The following SMG1 variants were observed in gnomAD, a reference collection of about 807,000 sequenced individuals.
SMG1 encodes SMG1 nonsense mediated mRNA decay associated PI3K related kinase, also known as serine/threonine-protein kinase SMG1.
A neutral mutation model predicts 419.9 loss-of-function variants in SMG1; 22 were observed. The ratio of observed to expected loss-of-function variants is 0.05; its 90% confidence interval spans 0.04 to 0.07. The LOEUF (loss-of-function observed/expected upper bound fraction) is 0.07. Ranked by LOEUF, SMG1 falls within the 10% of genes least tolerant of loss-of-function variation. The pLI is 1.00. For synonymous variants in SMG1, 1,538 were observed against 1,553.5 expected (o/e 0.99, Z 0.23); for missense variants, 3,185 against 4,342.0 (o/e 0.73, Z 7.49).
chr16:18,828,629 A>T (rs1006143783), intron 54 of SMG1, among the ~76,000 whole-genome samples: 1 of 152,258 alleles, frequency 6.6e-6, no homozygotes, highest in Non-Finnish European at 1.5e-5. Flanking sequence ...CACATCAATA[A>T]GGCATCAAGG....
chr16:18,896,637 A>G (rs1238561343), intron 2 of SMG1, among the ~76,000 whole-genome samples, 156 bp downstream of exon 2: 1 of 152,232 alleles, frequency 6.6e-6, no homozygotes, highest in Non-Finnish European at 1.5e-5. Context: ...TAAAGTGGAT[A>G]AATGTCCTAT....
intron 23 of SMG1, among the ~76,000 whole-genome samples, chr16:18,864,532 G>A (rs536719737): frequency 4.0e-5 from 6 of 151,004 alleles, no homozygotes; most frequent in African/African-American, 1.5e-4. Flanking sequence ...GAGTCTTACT[G>A]TCACCCAGGC....
chr16:18,877,525 A>G (rs555140599), intron 11 of SMG1: 179 of 248,716 alleles, frequency 7.2e-4, no homozygotes, highest in African/African-American at 3.8e-3. Context: ...TACTGGTAAT[A>G]GGGGATACAT....
At chr16:18,812,409 G>A (rs2031500380) in intron 60 of SMG1, among the ~76,000 whole-genome samples, 1 of 152,026 alleles carries the variant, frequency 6.6e-6, no homozygotes, top group South Asian at 2.1e-4. Flanking sequence ...CCAGCACTTT[G>A]GGGAGGCTGA....
At chr16:18,883,574 T>C (rs1404935731) in intron 9 of SMG1, among the ~76,000 whole-genome samples, 3 of 152,234 alleles carry the variant, frequency 2.0e-5, no homozygotes, top group Non-Finnish European at 4.4e-5. Context: ...CAACGTTTCT[T>C]TTAGTCTCTC....
In SMG1 at chr16:18,850,219, G is replaced by C. The variant is rs764055763; in HGVS notation, c.5283+18C>G. 112 of 1,589,450 alleles carry C rather than the reference G, an allele frequency of 7.0e-5. No homozygotes were observed. The highest frequency in any genetic ancestry group is 5.1e-5 in the Non-Finnish European group (60 of 1,166,162). On this transcript the variant is annotated intron_variant, in intron 34 of 62. Transcript: ENST00000446231. ...AAAGTTTCCAAAATAAATTTTCTTA[G>C]AACACTGTGCTACATACTTGACCAG...
intron 62 of SMG1, among the ~76,000 whole-genome samples, chr16:18,810,545 C>T (rs1468183451): frequency 6.6e-6 from 1 of 152,090 alleles, no homozygotes; most frequent in Non-Finnish European, 1.5e-5. Flanking sequence ...GTATTAAATG[C>T]ATTTTAGACT....
intron 35 of SMG1, 108 bp downstream of exon 35, chr16:18,849,841 C>G: frequency 9.4e-7 from 1 of 1,064,736 alleles, no homozygotes; most frequent in Non-Finnish European, 1.3e-6. Context: ...GTTAATCTGG[C>G]TATTCTTTTT....
chr16:18,837,967 C>A, intron 45 of SMG1, 47 bp downstream of exon 45: 1 of 1,578,762 alleles, frequency 6.3e-7, no homozygotes, highest in Non-Finnish European at 8.6e-7. Flanking sequence ...CATGTTTACT[C>A]TATTAATAAA....
intron 51 of SMG1, among the ~76,000 whole-genome samples, chr16:18,831,505 G>T (rs1351900302): frequency 6.6e-6 from 1 of 152,040 alleles, no homozygotes; most frequent in African/African-American, 2.4e-5. Flanking sequence ...AAACAAAGAT[G>T]TACAGATCTA....
At position 18,837,441 on chromosome 16, in the gene SMG1, C is replaced by T. The variant is rs762263841; in HGVS notation, c.7416G>A (p.Val2472=). 1.2e-6 allele frequency: 2 copies of T among 1,610,986 alleles called. No individual in the cohort carries two copies. Among genetic ancestry groups the T allele is most frequent in the East Asian group, 2.2e-5 (1 of 44,864 alleles). Residue 2472 remains valine (V), a splice_region_variant and synonymous_variant, in exon 46 of 63, where the codon GTG becomes GTA. Transcript: ENST00000446231. ...LFSSRVAEIK[V]NWFKNRDEML... ...TCTCATCTCTATTCTTAAACCAGTTCACCTGTAAAAAGATATTACGATTAA... is the reference window on the plus strand; with the variant it reads ...TCTCATCTCTATTCTTAAACCAGTTTACCTGTAAAAAGATATTACGATTAA...
intron 29 of SMG1, chr16:18,856,775 AC>A (rs1269922438): frequency 1.3e-5 from 2 of 151,984 alleles, no homozygotes; most frequent in African/African-American, 4.8e-5. Flanking sequence ...AGAGCTCAGT[AC>A]CTAGTACAAA....
Position 18,872,533 on chromosome 16 carries a change from T to C in SMG1, c.1982A>G (p.Gln661Arg). The C allele has an allele frequency of 5.2e-6, 8 of 1,544,256 alleles. No homozygotes were observed. Among genetic ancestry groups the C allele is most frequent in the Non-Finnish European group, 6.1e-6 (7 of 1,152,810 alleles). The change falls in exon 14 of 63, where the codon CAG (glutamine) becomes CGG (arginine). Residue 661 changes from glutamine to arginine, a missense_variant. Physicochemically the swap from Gln to Arg is conservative, Grantham distance 43. Transcript: ENST00000446231. The stretch of plus-strand genomic sequence containing the variant: ...ATACAATGTGTAGAGCACAGCATAC[T>C]GAATGGCAGGGAAGTGAACAGCCAG... ...SDLAVHFPAI[Q>R]YAVLYTLYSH... is the part of the protein sequence containing the mutation.
intron 36 of SMG1, among the ~76,000 whole-genome samples, 185 bp downstream of exon 36, chr16:18,849,032 T>C (rs977205567): frequency 8.2e-6 from 1 of 121,526 alleles, no homozygotes; most frequent in Admixed American, 1.1e-4. Context: ...ATGGTGCCAC[T>C]GCACTCCAGC....
chr16:18,850,283 A>C lies in SMG1; in HGVS notation c.5237T>G (p.Leu1746Arg). Residue 1746 changes from leucine (L) to arginine (R), a missense_variant, in exon 34 of 63, where the codon CTC becomes CGC. Leu to Arg is a moderately radical substitution (Grantham distance 102). Around this residue, in one of 27 missense-constraint regions of SMG1, gnomAD observed 493 missense variants for 552.9 expected, o/e 0.89. Coordinates refer to ENST00000446231, the MANE Select transcript of SMG1 (RefSeq NM_015092.5). ...GAAAGTAAAGTATGCACTGCAAGAG[A>C]GTTTGTACAGGCTGAATATTCTATC... ...VVDRIFSLYK[L>R]SCSAYFTFLK... 6.2e-7 allele frequency: 1 copy of C among 1,613,538 alleles called. No individual in the cohort carries two copies. The highest frequency in any genetic ancestry group is 8.5e-7 in the Non-Finnish European group (1 of 1,179,602).
At chr16:18,842,083 T>C (rs1567350706) in intron 40 of SMG1, 125 bp downstream of exon 40, 26 of 1,089,750 alleles carry the variant, frequency 2.4e-5, no homozygotes, top group East Asian at 1.6e-4. Flanking sequence ...TATAGGGCAC[T>C]GCAGGCTAAT....
At chr16:18,819,438 C>T in intron 56 of SMG1, 64 bp downstream of exon 56, 1 of 1,550,400 alleles carries the variant, frequency 6.4e-7, no homozygotes, top group East Asian at 2.3e-5. Flanking sequence ...CCACATATAA[C>T]TTCCAGCTAC....
At chr16:18,921,587 GTTTTTGCCAAAACCGCAA>G (rs2142030526) in intron 1 of SMG1, among the ~76,000 whole-genome samples, 1 of 152,032 alleles carries the variant, frequency 6.6e-6, no homozygotes, top group East Asian at 1.9e-4. Flanking sequence ...AGTAATTGCG[GTTTTTGCCAAAACCGCAA>G]TTACTTTTGC....
intron 1 of SMG1, among the ~76,000 whole-genome samples, chr16:18,913,437 C>T (rs1345611206): frequency 2.6e-5 from 4 of 151,276 alleles, no homozygotes; most frequent in African/African-American, 4.9e-5. Flanking sequence ...AGTAAAGGTA[C>T]GTTTTTAATT....
Sources: gnomAD v4.1 joint callset for allele counts (sites outside exome capture counted in the v4.1 genomes callset) on GRCh38, gnomAD v4.1.1 for gene constraint, gnomAD v4.1.1 regional missense constraint, MANE v1.5 for transcripts, NCBI Gene and HGNC (gene_info 2026-07-23, HGNC 2026-07-21) for gene names.